RXRA: variants seen among roughly 807,000 people sequenced by gnomAD.
RXRA encodes the protein retinoid X receptor alpha, also known as retinoic acid receptor RXR-alpha.
A neutral mutation model predicts 44.5 loss-of-function variants in RXRA; 5 were observed. The observed-to-expected ratio is 0.11, with a 90% CI of 0.06 to 0.24. The LOEUF (loss-of-function observed/expected upper bound fraction) is 0.24, where lower values mean the gene tolerates loss of function less well. Among genes scored for constraint, RXRA ranks in the 10% least tolerant of loss-of-function variants. The pLI is 1.00. For missense variants in RXRA, 412 were observed against 646.5 expected (o/e 0.64, Z 3.93); for synonymous variants, 291 against 271.4 (o/e 1.07, Z -0.71).
chr9:134,386,047 T>C (rs1294477546), intron 1 of RXRA, among the ~76,000 whole-genome samples: 1 of 152,234 alleles, frequency 6.6e-6, no homozygotes, highest in East Asian at 1.9e-4. Context: ...GCAGCCGCCT[T>C]GTGGTCACAG....
In RXRA at chr9:134,434,085, T is replaced by C. The variant is rs919605924; in HGVS notation, c.1136-17T>C. The C allele has an allele frequency of 7.5e-6, 12 of 1,603,790 alleles. No individual in the cohort carries two copies. In the African/African-American group the frequency reaches 1.6e-4, roughly 21 times the overall value. ...CGCCCCAGCTGAGGGTTCTGACCTG[T>C]GGCTTCTTCCTTTCAGACTCCAAGG... On this transcript the variant is annotated splice_polypyrimidine_tract_variant and intron_variant, in intron 8 of 9. Coordinates refer to ENST00000481739, the MANE Select transcript of RXRA (RefSeq NM_002957.6).
At chr9:134,398,938 C>T (rs1411248765) in intron 1 of RXRA, among the ~76,000 whole-genome samples, 1 of 152,244 alleles carries the variant, frequency 6.6e-6, no homozygotes, top group Non-Finnish European at 1.5e-5. Flanking sequence ...GGCTGCAAAG[C>T]CAATTTGTGC....
At position 134,435,255 on chromosome 9, in the gene RXRA, G is replaced by C. The variant is rs1428227498; in HGVS notation, c.1241+1048G>C. 3.3e-5 allele frequency among the ~76,000 whole-genome samples: 5 copies of C among 152,320 alleles called. No homozygotes were observed. The East Asian group carries it at 9.7e-4, about 29-fold the overall frequency. On this transcript the variant is annotated intron_variant, in intron 9 of 9. Transcript: ENST00000481739. ...GTGGAGAGACTCAGGCCGTGCACAG[G>C]GGCCCTGGGCAGACACGGCCAGCCG...
intron 6 of RXRA, among the ~76,000 whole-genome samples, chr9:134,428,436 A>G (rs1186552592): frequency 2.1e-4 from 20 of 96,276 alleles, no homozygotes; most frequent in African/African-American, 2.5e-4. Context: ...AACCCCCACT[A>G]TGTTGAGGGG....
chr9:134,434,537 G>A (rs1272039273), intron 9 of RXRA, among the ~76,000 whole-genome samples: 1 of 152,204 alleles, frequency 6.6e-6, no homozygotes, highest in East Asian at 1.9e-4. Flanking sequence ...GAGGCCAGGC[G>A]ACACCAGCAC....
At chr9:134,346,990 G>A (rs551586193) in intron 1 of RXRA, among the ~76,000 whole-genome samples, 3 of 152,338 alleles carry the variant, frequency 2.0e-5, no homozygotes, top group South Asian at 4.1e-4. Flanking sequence ...TGGCCCTTGC[G>A]GGGAGGGCCC....
intron 1 of RXRA, among the ~76,000 whole-genome samples, chr9:134,355,962 G>C (rs963516408): frequency 6.6e-6 from 1 of 152,056 alleles, no homozygotes; most frequent in African/African-American, 2.4e-5. Flanking sequence ...CTGAGGGGGT[G>C]GGGGGCAGCT....
chr9:134,355,959 G>T (rs1326400691), intron 1 of RXRA, among the ~76,000 whole-genome samples: 1 of 152,190 alleles, frequency 6.6e-6, no homozygotes, highest in Non-Finnish European at 1.5e-5. Context: ...CAGCTGAGGG[G>T]GTGGGGGGCA....
Position 134,401,653 on chromosome 9 carries a change from C to T in RXRA, c.50C>T (p.Ser17Phe). The change falls in exon 2 of 10, where the codon TCC becomes TTC. Residue 17 changes from serine (S) to phenylalanine (F), a missense_variant. Physicochemically the swap from Ser to Phe is radical, Grantham distance 155. This residue lies in a region of RXRA where 156 missense variants were observed against 177.2 expected (regional missense o/e 0.88). Transcript: ENST00000481739. Reference protein sequence around the residue: ...LPLDFSTQVNSSLTSPTGRGS... With the variant: ...LPLDFSTQVNFSLTSPTGRGS... The stretch of plus-strand genomic sequence containing the variant: ...GCAGATTTCTCCACCCAGGTGAACT[C>T]CTCCCTCACCTCCCCGACGGGGCGA... 6.8e-6 allele frequency: 11 copies of T among 1,613,002 alleles called. No individual in the cohort carries two copies. Among genetic ancestry groups the T allele is most frequent in the Non-Finnish European group, 8.5e-6 (10 of 1,179,948 alleles).
Position 134,436,654 on chromosome 9 carries a change from C to G in RXRA, c.*40C>G. On this transcript the variant is annotated 3_prime_UTR_variant, in exon 10 of 10. Transcript: ENST00000481739. ...CCTTTGTGCCCACCCGTTCTGGCCACCCTGCCTGGACGCCAGCTGTTCTTC... is the reference window on the plus strand; with the variant it reads ...CCTTTGTGCCCACCCGTTCTGGCCAGCCTGCCTGGACGCCAGCTGTTCTTC... 6.2e-7 allele frequency: 1 copy of G among 1,610,166 alleles called. No homozygotes were observed. Among genetic ancestry groups the G allele is most frequent in the Non-Finnish European group, 8.5e-7 (1 of 1,177,776 alleles).
chr9:134,413,933 G>A (rs994250206), intron 4 of RXRA, among the ~76,000 whole-genome samples: 3 of 152,214 alleles, frequency 2.0e-5, no homozygotes, highest in Admixed American at 6.5e-5. Flanking sequence ...AGCCTCCCCC[G>A]TGCCTCCACT....
chr9:134,355,381 G>A (rs1830270654), intron 1 of RXRA, among the ~76,000 whole-genome samples: 1 of 152,220 alleles, frequency 6.6e-6, no homozygotes, highest in Non-Finnish European at 1.5e-5. Flanking sequence ...CTCCTTCCCA[G>A]CTTCAGTTTC....
At chr9:134,392,324 G>A (rs770983085) in intron 1 of RXRA, among the ~76,000 whole-genome samples, 40 of 132,482 alleles carry the variant, frequency 3.0e-4, no homozygotes, top group Non-Finnish European at 4.6e-4. Context: ...ACGATGCCCC[G>A]GGGGGAATGG....
rs182490775 is a variant in RXRA at position 134,400,392 on chromosome 9, C to T, written c.29-1240C>T. The stretch of plus-strand genomic sequence containing the variant: ...CACTCTATGTGTTCATGGTCCTGCT[C>T]GACTCCCCAGAAGTGCCTGTGATTG... On this transcript the variant is annotated intron_variant, in intron 1 of 9. Coordinates refer to ENST00000481739, the MANE Select transcript of RXRA (RefSeq NM_002957.6). 2.0e-4 allele frequency among the ~76,000 whole-genome samples: 31 copies of T among 152,296 alleles called. No homozygotes were observed. In the South Asian group the frequency reaches 5.2e-3, roughly 25 times the overall value.
intron 6 of RXRA, chr9:134,423,329 AGCT>A: frequency 1.0e-6 from 1 of 985,454 alleles, no homozygotes; most frequent in Non-Finnish European, 1.2e-6. Context: ...CGGGTGTCCC[AGCT>A]GCCTAGAGGC....
rs969643791 is a variant in RXRA at position 134,436,700 on chromosome 9, G to C, written c.*86G>C. ...TCTTCTCAGCCTGAGCCCTGTCCCT[G>C]CCCTTCTCTGCCTGGCCTGTTTGGA... On this transcript the variant is annotated 3_prime_UTR_variant, in exon 10 of 10. Coordinates refer to ENST00000481739, the MANE Select transcript of RXRA (RefSeq NM_002957.6). 8 of 1,505,438 alleles carry C rather than the reference G, an allele frequency of 5.3e-6. No homozygotes were observed. The African/African-American group carries it at 1.1e-4, about 21-fold the overall frequency. 93.3% of individuals were successfully genotyped at this position (1,505,438 alleles called of 1,614,324 possible). A position where few individuals can be genotyped will look rare whatever the true frequency, so the allele number is the denominator to read the frequency against.
rs959807975 is a variant in RXRA at position 134,386,558 on chromosome 9, C to T, written c.29-15074C>T. Among the ~76,000 whole-genome samples the T allele has an allele frequency of 1.1e-4, 17 of 152,314 alleles. 1 individual carries two copies. The highest frequency in any genetic ancestry group is 3.9e-4 in the East Asian group (2 of 5,176). On this transcript the variant is annotated intron_variant, in intron 1 of 9. Coordinates refer to ENST00000481739, the MANE Select transcript of RXRA (RefSeq NM_002957.6). ...TATGGGGGCCAGGTCTGGGACACCCCGCTCCGTGGAGCATGCCTGTGGTCT... is the reference window on the plus strand; with the variant it reads ...TATGGGGGCCAGGTCTGGGACACCCTGCTCCGTGGAGCATGCCTGTGGTCT...
At chr9:134,371,493 G>C (rs1161550004) in intron 1 of RXRA, among the ~76,000 whole-genome samples, 3 of 152,238 alleles carry the variant, frequency 2.0e-5, no homozygotes, top group African/African-American at 7.2e-5. Flanking sequence ...ATGCTGATGG[G>C]GGCCAGACTT....
intron 1 of RXRA, among the ~76,000 whole-genome samples, chr9:134,357,980 C>A (rs369396817): frequency 3.9e-5 from 6 of 152,242 alleles, no homozygotes; most frequent in African/African-American, 1.2e-4. Context: ...GCCTGGGGTG[C>A]CCCCACAGAA....
Sources: allele counts gnomAD v4.1 joint callset (sites outside exome capture counted in the v4.1 genomes callset), GRCh38; gene constraint gnomAD v4.1.1; regional missense constraint gnomAD v4.1.1; transcripts MANE v1.5; gene names NCBI Gene and HGNC (gene_info 2026-07-23, HGNC 2026-07-21).